ARHGAP25: variants seen among roughly 807,000 people sequenced by gnomAD.
ARHGAP25 encodes Rho GTPase activating protein 25.
ARHGAP25 carries 34 observed loss-of-function variants against 71.0 expected under a neutral mutation model. The observed-to-expected ratio is 0.48, with a 90% CI of 0.36 to 0.64. The LOEUF (loss-of-function observed/expected upper bound fraction) is 0.64. Among genes scored for constraint, ARHGAP25 ranks in the 30% least tolerant of loss-of-function variants. The pLI, the probability that ARHGAP25 is intolerant of heterozygous loss-of-function variation, is 0.00. For synonymous variants in ARHGAP25, 282 were observed against 296.5 expected (o/e 0.95, Z 0.50); for missense variants, 706 against 805.1 (o/e 0.88, Z 1.49).
intron 1 of ARHGAP25, among the ~76,000 whole-genome samples, chr2:68,766,984 A>G (rs1225056312): frequency 6.6e-6 from 1 of 152,220 alleles, no homozygotes; most frequent in African/African-American, 2.4e-5. Flanking sequence ...GGGCATTTCT[A>G]GAATCCATAG....
chr2:68,807,909 G>A (rs576690062), intron 5 of ARHGAP25, among the ~76,000 whole-genome samples: 1 of 152,314 alleles, frequency 6.6e-6, no homozygotes, highest in East Asian at 1.9e-4. Flanking sequence ...GCTTTCGTTA[G>A]CATTCCAGAA....
chr2:68,787,967 C>A lies in ARHGAP25; in HGVS notation c.466+11C>A. 1 of 1,608,568 alleles carries A rather than the reference C, an allele frequency of 6.2e-7. No homozygotes were observed. Among genetic ancestry groups the A allele is most frequent in the Non-Finnish European group, 8.5e-7 (1 of 1,174,984 alleles). ...GCACACCCTGTGGAGGTAAGGACCCCTGCAGGCTTTCCTGGGCAGGTGCCT... is the reference window on the plus strand; with the variant it reads ...GCACACCCTGTGGAGGTAAGGACCCATGCAGGCTTTCCTGGGCAGGTGCCT... On this transcript the variant is annotated intron_variant, in intron 4 of 10. Transcript: ENST00000409202.
intron 10 of ARHGAP25, among the ~76,000 whole-genome samples, chr2:68,824,658 T>C (rs536391457): frequency 3.3e-5 from 5 of 151,780 alleles, no homozygotes; most frequent in East Asian, 3.9e-4. Context: ...AGGAGAATGG[T>C]GTGAACCTGG....
At chr2:68,784,104 A>G (rs576031256) in intron 3 of ARHGAP25, among the ~76,000 whole-genome samples, 2 of 152,242 alleles carry the variant, frequency 1.3e-5, no homozygotes, top group South Asian at 4.1e-4. Context: ...TGTTTGCAGC[A>G]GTCTCCTGGC....
upstream of ARHGAP25, among the ~76,000 whole-genome samples, chr2:68,733,700 A>AT (rs1373207615): frequency 2.6e-5 from 4 of 152,132 alleles, no homozygotes; most frequent in Non-Finnish European, 5.9e-5. Context: ...AGTTACATTG[A>AT]TTTTCTCAAT....
intron 1 of ARHGAP25, among the ~76,000 whole-genome samples, chr2:68,763,858 A>G (rs1676967803): frequency 6.6e-6 from 1 of 152,148 alleles, no homozygotes; most frequent in African/African-American, 2.4e-5. Context: ...TTTAGTTTCT[A>G]ATCTTTCTTT....
At chr2:68,814,181 T>G (rs1681036140) in intron 6 of ARHGAP25, among the ~76,000 whole-genome samples, 1 of 152,266 alleles carries the variant, frequency 6.6e-6, no homozygotes, top group African/African-American at 2.4e-5. Context: ...GGCAAAATGG[T>G]GCACAGAAAA....
At chr2:68,753,057 A>T (rs4322877) in intron 1 of ARHGAP25, among the ~76,000 whole-genome samples, 1 of 151,832 alleles carries the variant, frequency 6.6e-6, no homozygotes, top group African/African-American at 2.4e-5. Context: ...TAGACATAGC[A>T]AAATGTCCAC....
chr2:68,713,838 C>T (rs1674547297), intron 2 of ARHGAP25, among the ~76,000 whole-genome samples: 1 of 152,142 alleles, frequency 6.6e-6, no homozygotes, highest in Non-Finnish European at 1.5e-5. Context: ...ATGAAGCCAA[C>T]TTGATCATGG....
intron 1 of ARHGAP25, among the ~76,000 whole-genome samples, chr2:68,756,071 A>G (rs1056155558): frequency 6.6e-6 from 1 of 152,154 alleles, no homozygotes; most frequent in South Asian, 2.1e-4. Context: ...TGATGTATCT[A>G]TTTTGGGACC....
At chr2:68,811,839 C>A (rs1396451003) in intron 5 of ARHGAP25, among the ~76,000 whole-genome samples, 1 of 152,190 alleles carries the variant, frequency 6.6e-6, no homozygotes, top group Non-Finnish European at 1.5e-5. Context: ...TGTTCTCCAG[C>A]CTATTCTATA....
intron 1 of ARHGAP25, among the ~76,000 whole-genome samples, chr2:68,753,246 A>T (rs1163174963): frequency 2.0e-5 from 3 of 152,234 alleles, no homozygotes; most frequent in Non-Finnish European, 4.4e-5. Flanking sequence ...TGAAATGCTC[A>T]TATAGTAACA....
At chr2:68,807,696 T>C (rs1340088945) in intron 5 of ARHGAP25, among the ~76,000 whole-genome samples, 2 of 152,132 alleles carry the variant, frequency 1.3e-5, no homozygotes, top group African/African-American at 2.4e-5. Context: ...TGACAGATGA[T>C]GTGAACCAGA....
chr2:68,765,389 G>A (rs1188498787), intron 1 of ARHGAP25, among the ~76,000 whole-genome samples: 1 of 149,360 alleles, frequency 6.7e-6, no homozygotes, highest in Admixed American at 6.7e-5. Flanking sequence ...CAAGCCTATT[G>A]AATTTATTTT....
chr2:68,754,932 CT>C (rs75859727), intron 1 of ARHGAP25, among the ~76,000 whole-genome samples: 33,002 of 151,960 alleles, frequency 0.22, 3,791 homozygotes, highest in African/African-American at 0.29. Context: ...GAGTTTTGTC[CT>C]TTTTCAGATA....
At chr2:68,753,444 T>A (rs1676299710) in intron 1 of ARHGAP25, among the ~76,000 whole-genome samples, 1 of 152,198 alleles carries the variant, frequency 6.6e-6, no homozygotes, top group South Asian at 2.1e-4. Flanking sequence ...CACTCCTGGC[T>A]ACATTTTCTT....
intron 1 of ARHGAP25, among the ~76,000 whole-genome samples, chr2:68,735,845 A>G (rs1256567663): frequency 2.0e-5 from 3 of 152,152 alleles, no homozygotes; most frequent in Non-Finnish European, 4.4e-5. Flanking sequence ...AAAGAGATGT[A>G]TTTTTTATTA....
At chr2:68,797,884 T>G (rs1331917272) in intron 4 of ARHGAP25, among the ~76,000 whole-genome samples, 1 of 152,184 alleles carries the variant, frequency 6.6e-6, no homozygotes, top group African/African-American at 2.4e-5. Context: ...TCACTCACCC[T>G]CTCCCATTTG....
intron 3 of ARHGAP25, among the ~76,000 whole-genome samples, chr2:68,783,704 C>G (rs374118828): frequency 6.6e-6 from 1 of 152,144 alleles, no homozygotes; most frequent in Non-Finnish European, 1.5e-5. Flanking sequence ...CTCAGGCAAT[C>G]CACCTGCCTC....
Sources: allele counts gnomAD v4.1 joint callset (sites outside exome capture counted in the v4.1 genomes callset), GRCh38; gene constraint gnomAD v4.1.1; transcripts MANE v1.5; gene names NCBI Gene and HGNC (gene_info 2026-07-23, HGNC 2026-07-21).